Variants in GRID1 observed in about 807,000 individuals in gnomAD.
GRID1 encodes the protein glutamate ionotropic receptor delta type subunit 1.
A neutral mutation model predicts 98.0 loss-of-function variants in GRID1; 28 were observed. The observed-to-expected ratio is 0.29, with a 90% CI of 0.21 to 0.39. GRID1 has a LOEUF of 0.39. Ranked by LOEUF, GRID1 falls within the 10% of genes least tolerant of loss-of-function variation. The pLI is 1.00. For synonymous variants in GRID1, 553 were observed against 538.5 expected, an observed-to-expected ratio of 1.03 and a Z score of -0.37; for missense variants, 1,111 against 1,340.5, an observed-to-expected ratio of 0.83 and a Z score of 2.67.
At chr10:85,998,207 G>A (rs1424395610) in intron 4 of GRID1, among the ~76,000 whole-genome samples, 1 of 151,834 alleles carries the variant, frequency 6.6e-6, no homozygotes, top group Non-Finnish European at 1.5e-5. Context: ...TTTTTATCAA[G>A]AGCCCACGAA....
chr10:86,196,059 C>T (rs1845867753), intron 3 of GRID1, among the ~76,000 whole-genome samples: 1 of 152,086 alleles, frequency 6.6e-6, no homozygotes, highest in African/African-American at 2.4e-5. Context: ...ACAACCTGGC[C>T]TCTGAGACCG....
rs1848658599 is a variant in GRID1 at position 86,365,215 on chromosome 10, A to G, written c.79+1099T>C. Among the ~76,000 whole-genome samples, 1 of 152,026 alleles carries G rather than the reference A, an allele frequency of 6.6e-6. No homozygotes were observed. Among genetic ancestry groups the G allele is most frequent in the Non-Finnish European group, 1.5e-5 (1 of 67,986 alleles). ...GGAGGAATCGTAGCTCTCCGAGCCCAGGCCTAGTCCTCACCACCCCACTCC... is the reference window on the plus strand; with the variant it reads ...GGAGGAATCGTAGCTCTCCGAGCCCGGGCCTAGTCCTCACCACCCCACTCC... On this transcript the variant is annotated intron_variant, in intron 1 of 15. Coordinates refer to ENST00000327946, the MANE Select transcript of GRID1 (RefSeq NM_017551.3). This position sits in a 1 kb window ranked among gnomAD's most constrained non-coding sequence, Gnocchi z 4.8.
intron 3 of GRID1, among the ~76,000 whole-genome samples, chr10:86,200,055 T>A (rs1408607877): frequency 3.3e-5 from 5 of 150,012 alleles, no homozygotes; most frequent in Non-Finnish European, 7.5e-5. Flanking sequence ...CCATATGATC[T>A]TTCCTCCTCT....
intron 4 of GRID1, among the ~76,000 whole-genome samples, chr10:86,121,542 C>CATT (rs1844673341): frequency 5.5e-3 from 2 of 364 alleles, no homozygotes; most frequent in Non-Finnish European, 0.013. Flanking sequence ...TCATCACCAT[C>CATT]ACCATTATCT....
intron 2 of GRID1, among the ~76,000 whole-genome samples, chr10:86,210,025 G>A (rs2132022229): frequency 6.6e-6 from 1 of 152,298 alleles, no homozygotes; most frequent in African/African-American, 2.4e-5. Context: ...GGAAGAGCAG[G>A]ATGACCACAG....
chr10:86,233,967 G>A (rs542544295), intron 2 of GRID1, among the ~76,000 whole-genome samples: 241 of 151,392 alleles, frequency 1.6e-3, no homozygotes, highest in Non-Finnish European at 2.7e-3. Context: ...GGGTGAGGGT[G>A]GGGGTGCTTC....
chr10:85,994,524 A>G (rs1842718251), intron 4 of GRID1, among the ~76,000 whole-genome samples: 1 of 152,238 alleles, frequency 6.6e-6, no homozygotes, highest in Non-Finnish European at 1.5e-5. Flanking sequence ...AGTGATAACC[A>G]TAAAACTGGC....
At chr10:85,765,449 T>A (rs1177453263) in intron 8 of GRID1, among the ~76,000 whole-genome samples, 6 of 152,002 alleles carry the variant, frequency 3.9e-5, no homozygotes, top group African/African-American at 2.4e-5. Flanking sequence ...AAATGCAAAA[T>A]CCAAAATGCT....
intron 4 of GRID1, among the ~76,000 whole-genome samples, chr10:86,123,313 G>A (rs1844705082): frequency 6.6e-6 from 1 of 152,220 alleles, no homozygotes. Flanking sequence ...AGAGTGGAGG[G>A]GAAGCAGTTG....
At chr10:85,765,861 T>C (rs1429791526) in intron 8 of GRID1, among the ~76,000 whole-genome samples, 2 of 152,232 alleles carry the variant, frequency 1.3e-5, no homozygotes, top group Non-Finnish European at 2.9e-5. Context: ...TAGGATCCAC[T>C]GTCAGAAATT....
chr10:85,904,431 C>T (rs929989629), intron 5 of GRID1, among the ~76,000 whole-genome samples: 6 of 152,010 alleles, frequency 3.9e-5, no homozygotes, highest in Middle Eastern at 3.4e-3. Flanking sequence ...AGGATATGGA[C>T]CCAAGAGAAT....
At chr10:86,126,562 C>A (rs7081085) in intron 4 of GRID1, among the ~76,000 whole-genome samples, 1 of 152,204 alleles carries the variant, frequency 6.6e-6, no homozygotes, top group Non-Finnish European at 1.5e-5. Flanking sequence ...GAACAGGGCT[C>A]GCTTCACACT....
Position 86,145,561 on chromosome 10 carries a change from C to CAT in GRID1, c.521-6538_521-6537insAT, listed in dbSNP as rs1298047995. 4.4e-4 allele frequency among the ~76,000 whole-genome samples: 67 copies of CAT among 152,010 alleles called. 1 individual carries two copies. The highest frequency in any genetic ancestry group is 1.5e-3 in the African/African-American group (62 of 41,420). Reference sequence around the variant, plus strand: ...CATCCTCCACATACACACACACACACACACACACACCCTCCCTCCACTGGG... The same window carrying CAT: ...CATCCTCCACATACACACACACACACATACACACACACCCTCCCTCCACTGGG... On this transcript the variant is annotated intron_variant, in intron 3 of 15. Coordinates refer to ENST00000327946, the MANE Select transcript of GRID1 (RefSeq NM_017551.3).
intron 2 of GRID1, chr10:86,264,854 C>T (rs1847080453): frequency 4.6e-6 from 2 of 438,818 alleles, no homozygotes; most frequent in Non-Finnish European, 9.5e-6. Flanking sequence ...GGAAGCCCTC[C>T]AACCTGCAGC....
At chr10:86,222,598 C>T (rs928670126) in intron 2 of GRID1, among the ~76,000 whole-genome samples, 5 of 152,128 alleles carry the variant, frequency 3.3e-5, no homozygotes, top group South Asian at 2.1e-4. Flanking sequence ...CTCTGAAAGA[C>T]GCACCCCAGG....
chr10:85,804,067 A>C (rs58796610), intron 8 of GRID1, among the ~76,000 whole-genome samples: 20,583 of 151,634 alleles, frequency 0.14, 2,682 homozygotes, highest in East Asian at 0.32. Flanking sequence ...TTGAAAAAAA[A>C]CAGAAAATAT....
intron 2 of GRID1, among the ~76,000 whole-genome samples, chr10:86,358,801 C>A (rs1250228982): frequency 6.6e-6 from 1 of 151,270 alleles, no homozygotes; most frequent in African/African-American, 2.4e-5. Context: ...TGGGATTATC[C>A]AGATGGGCCC....
intron 4 of GRID1, among the ~76,000 whole-genome samples, chr10:86,051,648 G>A (rs959941903): frequency 1.6e-4 from 25 of 152,136 alleles, no homozygotes; most frequent in South Asian, 2.1e-4. Flanking sequence ...CACATGTCTC[G>A]CAGAAAATGA....
At chr10:85,933,512 C>T (rs1232292100) in intron 4 of GRID1, among the ~76,000 whole-genome samples, 1 of 152,130 alleles carries the variant, frequency 6.6e-6, no homozygotes, top group African/African-American at 2.4e-5. Flanking sequence ...TTTTCATACA[C>T]TTTGGAAAGG....
Sources: gnomAD v4.1 joint callset for allele counts (sites outside exome capture counted in the v4.1 genomes callset) on GRCh38, gnomAD v4.1.1 for gene constraint, Gnocchi (gnomAD v3.1) non-coding constraint, MANE v1.5 for transcripts, NCBI Gene and HGNC (gene_info 2026-07-23, HGNC 2026-07-21) for gene names.